SS18L1: variants seen among roughly 807,000 people sequenced by gnomAD.
The protein encoded by SS18L1 is SS18L1 subunit of BAF chromatin remodeling complex.
Under a neutral mutation model 70.3 loss-of-function variants are expected in SS18L1, and 32 were observed. That is an observed-to-expected ratio of 0.46 (90% CI 0.34 to 0.61). The LOEUF is 0.61. Among genes scored for constraint, SS18L1 ranks in the 20% least tolerant of loss-of-function variants. The probability of loss-of-function intolerance (pLI) is 0.01; values close to 1 mark genes in which losing one functional copy is unlikely to be tolerated. For missense variants in SS18L1, 430 were observed against 542.1 expected (o/e 0.79, Z 2.05); for synonymous variants, 237 against 229.7 (o/e 1.03, Z -0.29).
Position 62,181,993 on chromosome 20 carries a change from T to C in SS18L1, c.*2785T>C, listed in dbSNP as rs1161405570. The C allele has an allele frequency of 3.1e-5, 7 of 228,680 alleles. No homozygotes were observed. The highest frequency in any genetic ancestry group is 6.1e-5 in the Non-Finnish European group (7 of 115,332). The allele number at this position is 228,680 out of a possible 1,614,324, so 14.2% of individuals were successfully genotyped here. ...TTTCAGAAGTGCTGACAAATTCATA[T>C]TGGTATGCAAAAGCTCATCACCCAT... is the stretch of plus-strand genomic sequence containing the variant. On this transcript the variant is annotated 3_prime_UTR_variant, in exon 11 of 11. Transcript: ENST00000331758.
intron 1 of SS18L1, among the ~76,000 whole-genome samples, chr20:62,148,997 T>C (rs2057080753): frequency 6.6e-6 from 1 of 152,234 alleles, no homozygotes; most frequent in Non-Finnish European, 1.5e-5. Flanking sequence ...TGGTGCTCGC[T>C]AGCCGGCGGT....
At chr20:62,151,600 G>C (rs1432494487) in intron 1 of SS18L1, among the ~76,000 whole-genome samples, 1 of 152,202 alleles carries the variant, frequency 6.6e-6, no homozygotes, top group African/African-American at 2.4e-5. Flanking sequence ...CCCAGCAGAA[G>C]ATCCTCCGAA....
In SS18L1 at chr20:62,170,753, G is replaced by A. The variant is rs2057516702; in HGVS notation, c.917-1929G>A. On this transcript the variant is annotated intron_variant, in intron 8 of 10. Coordinates refer to ENST00000331758, the MANE Select transcript of SS18L1 (RefSeq NM_198935.3). ...GCTGCCAGTTCCCACTAGATCGCCTGAGCACCCACTGGGGTGTGAGAGCCA... is the reference window on the plus strand; with the variant it reads ...GCTGCCAGTTCCCACTAGATCGCCTAAGCACCCACTGGGGTGTGAGAGCCA... Among the ~76,000 whole-genome samples the A allele has an allele frequency of 3.9e-5, 6 of 152,254 alleles. No homozygotes were observed. The South Asian group carries it at 1.2e-3, about 31-fold the overall frequency.
At chr20:62,166,247 G>A (rs1195801544) in intron 8 of SS18L1, among the ~76,000 whole-genome samples, 1 of 152,254 alleles carries the variant, frequency 6.6e-6, no homozygotes, top group Admixed American at 6.5e-5. Context: ...GAGGGAAGGC[G>A]GGCCTGCAGT....
At chr20:62,171,357 C>G (rs187944082) in intron 8 of SS18L1, among the ~76,000 whole-genome samples, 8 of 152,336 alleles carry the variant, frequency 5.3e-5, no homozygotes. Context: ...GACCTTAAGT[C>G]TTCTCCCGTG....
Position 62,158,707 on chromosome 20 carries a change from C to A in SS18L1, c.105C>A (p.Ile35=), listed in dbSNP as rs752800674. The A allele has an allele frequency of 5.6e-6, 9 of 1,612,760 alleles. No individual in the cohort carries two copies. In the Admixed American group the frequency reaches 6.7e-5, roughly 12 times the overall value. The part of the protein sequence containing the change: ...LDENHHLIQC[I]LEYQSKGKTA... ...AGAACCACCACCTGATCCAGTGCAT[C>A]CTGGAGTACCAGAGCAAGGGCAAGA... Residue 35 remains isoleucine (I), a synonymous_variant, in exon 2 of 11, where the codon ATC becomes ATA. Coordinates refer to ENST00000331758, the MANE Select transcript of SS18L1 (RefSeq NM_198935.3). This position sits in a 1 kb window ranked among gnomAD's most constrained non-coding sequence, Gnocchi z 4.5.
At chr20:62,144,019 C>A in intron 1 of SS18L1, 130 bp downstream of exon 1, 1 of 487,706 alleles carries the variant, frequency 2.1e-6, no homozygotes, top group Non-Finnish European at 2.6e-6. Flanking sequence ...CCGCGAGCCC[C>A]GACGGCGGCC....
chr20:62,156,841 G>A lies in SS18L1; in HGVS notation c.70-1831G>A, dbSNP rs116849300. On this transcript the variant is annotated intron_variant, in intron 1 of 10. Transcript: ENST00000331758. ...CTCCAGGGCCTGTAGAGCTCCTGTC[G>A]GGAGCGGCCTCCTAGGGCTGAGTGA... is the stretch of plus-strand genomic sequence containing the variant. 6.4e-3 allele frequency among the ~76,000 whole-genome samples: 969 copies of A among 152,354 alleles called. 11 individuals carry two copies. Among genetic ancestry groups the A allele is most frequent in the Non-Finnish European group, 9.9e-3 (674 of 68,028 alleles).
intron 5 of SS18L1, 75 bp from the exon 6 acceptor site, chr20:62,163,383 C>T: frequency 6.3e-7 from 1 of 1,588,386 alleles, no homozygotes; most frequent in Non-Finnish European, 8.5e-7. Context: ...CGCCCGGGCG[C>T]AGGAGGTAGT....
In SS18L1 at chr20:62,161,641, C is replaced by T; in HGVS notation, c.376+61C>T. ...CGAGGCCACCAAGGCAGCCCTTGGG[C>T]AGCCGGCTGCCATGGTGGGGCACCC... On this transcript the variant is annotated intron_variant, in intron 4 of 10. Coordinates refer to ENST00000331758, the MANE Select transcript of SS18L1 (RefSeq NM_198935.3). This position sits in a 1 kb window ranked among gnomAD's most constrained non-coding sequence, Gnocchi z 4.4. 2.6e-6 allele frequency: 4 copies of T among 1,557,694 alleles called. No individual in the cohort carries two copies. The highest frequency in any genetic ancestry group is 3.5e-6 in the Non-Finnish European group (4 of 1,146,850).
rs2057273360 is a variant in SS18L1 at position 62,158,888 on chromosome 20, C to T, written c.146+140C>T. 1 of 1,605,300 alleles carries T rather than the reference C, an allele frequency of 6.2e-7. No homozygotes were observed. The highest frequency in any genetic ancestry group is 1.1e-5 in the South Asian group (1 of 90,262). Reference sequence around the variant, plus strand: ...CCCCAGCACGGAGGCCAGATATGTCCCAGGAGTCCCCTGCACAGAGGCCAG... The same window carrying T: ...CCCCAGCACGGAGGCCAGATATGTCTCAGGAGTCCCCTGCACAGAGGCCAG... On this transcript the variant is annotated intron_variant, in intron 2 of 10. Transcript: ENST00000331758. This position sits in a 1 kb window ranked among gnomAD's most constrained non-coding sequence, Gnocchi z 4.5.
In SS18L1 at chr20:62,161,133, G is replaced by A. The variant is rs548698451; in HGVS notation, c.232-303G>A. Among the ~76,000 whole-genome samples the A allele has an allele frequency of 3.3e-5, 5 of 151,614 alleles. No homozygotes were observed. The highest frequency in any genetic ancestry group is 4.3e-4 in the South Asian group (2 of 4,702). On this transcript the variant is annotated intron_variant, in intron 3 of 10. Coordinates refer to ENST00000331758, the MANE Select transcript of SS18L1 (RefSeq NM_198935.3). This position sits in a 1 kb window ranked among gnomAD's most constrained non-coding sequence, Gnocchi z 4.4. ...CGGGGTGCGTTCAGCCTGGTGGGCC[G>A]GGAAAGGGGTTCCCTGCTGTCCCAG...
intron 1 of SS18L1, among the ~76,000 whole-genome samples, chr20:62,150,949 C>T (rs981671740): frequency 1.3e-5 from 2 of 151,962 alleles, no homozygotes; most frequent in Non-Finnish European, 2.9e-5. Flanking sequence ...AGGGGTTCCT[C>T]CTGCAAAATT....
chr20:62,145,319 G>GT (rs983960805), intron 1 of SS18L1, among the ~76,000 whole-genome samples: 1 of 5,298 alleles, frequency 1.9e-4, no homozygotes, highest in Non-Finnish European at 7.1e-4. Context: ...CTGAGGCCTA[G>GT]GGGGGCTAAA....
Position 62,158,643 on chromosome 20 carries a change from G to C in SS18L1, c.70-29G>C, listed in dbSNP as rs767620403. ...CGAGGGTCAGCGACAGCCCCGCGTC[G>C]GCAGCGCCCGCTCACGCTCTCTCCG... On this transcript the variant is annotated intron_variant, in intron 1 of 10. Coordinates refer to ENST00000331758, the MANE Select transcript of SS18L1 (RefSeq NM_198935.3). The surrounding 1 kb of genome is among the most constrained non-coding windows in gnomAD (Gnocchi z 4.5). The C allele has an allele frequency of 1.9e-6, 3 of 1,609,766 alleles. No individual in the cohort carries two copies. In the South Asian group the frequency reaches 3.3e-5, roughly 18 times the overall value.
chr20:62,172,347 A>G (rs890554324), intron 8 of SS18L1, among the ~76,000 whole-genome samples: 1 of 150,166 alleles, frequency 6.7e-6, no homozygotes, highest in South Asian at 2.1e-4. Context: ...AAAAAAAATT[A>G]TATCTGCAAA....
rs756342448 is a variant in SS18L1 at position 62,172,821 on chromosome 20, C to T, written c.1036+20C>T. On this transcript the variant is annotated intron_variant, in intron 9 of 10. Transcript: ENST00000331758. ...GCTACGGTAAGAGGCGAGCACGGTC[C>T]TCGGGGCCCCCCAGCGCCCACCCCT... The T allele has an allele frequency of 2.5e-6, 4 of 1,610,844 alleles. No individual in the cohort carries two copies. The East Asian group carries it at 6.7e-5, about 27-fold the overall frequency.
At chr20:62,163,432 T>C (rs748276447) in intron 5 of SS18L1, 26 bp from the exon 6 acceptor site, 8 of 1,611,038 alleles carry the variant, frequency 5.0e-6, no homozygotes, top group Admixed American at 1.7e-5. Context: ...CCCGGGGTGA[T>C]GTGGGGCCTC....
chr20:62,163,415 G>T, intron 5 of SS18L1, 43 bp from the exon 6 acceptor site: 1 of 1,464,320 alleles, frequency 6.8e-7, no homozygotes, highest in South Asian at 1.1e-5. Flanking sequence ...GGGAGGGCGG[G>T]AGGCTTCCCG....
Sources: gnomAD v4.1 joint callset for allele counts (sites outside exome capture counted in the v4.1 genomes callset) on GRCh38, gnomAD v4.1.1 for gene constraint, Gnocchi (gnomAD v3.1) non-coding constraint, MANE v1.5 for transcripts, NCBI Gene and HGNC (gene_info 2026-07-23, HGNC 2026-07-21) for gene names.